FOXP2: variants seen among roughly 807,000 people sequenced by gnomAD.
FOXP2 encodes forkhead box P2.
A neutral mutation model predicts 115.8 loss-of-function variants in FOXP2; 12 were observed. The observed-to-expected ratio is 0.10, with a 90% CI of 0.07 to 0.17. FOXP2 has a LOEUF of 0.17. Among genes scored for constraint, FOXP2 ranks in the 10% least tolerant of loss-of-function variants. FOXP2 has a pLI of 1.00. For missense variants in FOXP2, 629 were observed against 843.5 expected (o/e 0.75, Z 3.15); for synonymous variants, 328 against 297.7 (o/e 1.10, Z -1.05).
At chr7:114,596,133 CT>C (rs1326808160) in intron 3 of FOXP2, among the ~76,000 whole-genome samples, 1 of 152,014 alleles carries the variant, frequency 6.6e-6, no homozygotes, top group Non-Finnish European at 1.5e-5. Context: ...GTTAGCAATT[CT>C]TTTTCCTCAC....
chr7:114,689,843 T>C lies in FOXP2; in HGVS notation c.2065T>C (p.Leu689=), dbSNP rs1467392239. ...IAEDEDCPMS[L]VTTANHSPEL... The stretch of plus-strand genomic sequence containing the variant: ...AGAGGATGAAGACTGCCCAATGTCC[T>C]TAGTGACAACAGCTAATCACAGTCC... The change falls in exon 17 of 17, where the codon TTA becomes CTA. Residue 689 remains leucine (L), a synonymous_variant. Coordinates refer to ENST00000350908, the MANE Select transcript of FOXP2 (RefSeq NM_014491.4). 1 of 1,613,390 alleles carries C rather than the reference T, an allele frequency of 6.2e-7. No individual in the cohort carries two copies. Among genetic ancestry groups the C allele is most frequent in the African/African-American group, 1.3e-5 (1 of 74,880 alleles).
At chr7:114,283,041 A>C (rs1439721811) in intron 1 of FOXP2, among the ~76,000 whole-genome samples, 2 of 152,158 alleles carry the variant, frequency 1.3e-5, no homozygotes, top group Admixed American at 6.6e-5. Flanking sequence ...CCATTACCAA[A>C]CAGTTAAATT....
At chr7:114,587,112 A>G (rs956799151) in intron 3 of FOXP2, among the ~76,000 whole-genome samples, 3 of 150,648 alleles carry the variant, frequency 2.0e-5, no homozygotes, top group Non-Finnish European at 4.4e-5. Flanking sequence ...CAGAACGTGC[A>G]GGTTTGTTAC....
chr7:114,132,134 A>T (rs1052223316), intron 1 of FOXP2, among the ~76,000 whole-genome samples: 5 of 152,358 alleles, frequency 3.3e-5, no homozygotes, highest in Middle Eastern at 3.4e-3. Flanking sequence ...CTACTAAAAC[A>T]TATTAAAATC....
At chr7:114,254,476 C>T (rs370251166) in intron 1 of FOXP2, among the ~76,000 whole-genome samples, 1 of 152,108 alleles carries the variant, frequency 6.6e-6, no homozygotes, top group African/African-American at 2.4e-5. Flanking sequence ...ATATTTCTTG[C>T]AAACTTTGTT....
At chr7:114,138,491 A>G (rs1003171405) in intron 1 of FOXP2, among the ~76,000 whole-genome samples, 30 of 150,522 alleles carry the variant, frequency 2.0e-4, no homozygotes, top group African/African-American at 7.1e-4. Context: ...TCCCGGGTTC[A>G]CATGATTCTC....
intron 1 of FOXP2, among the ~76,000 whole-genome samples, chr7:114,100,990 G>A (rs915956483): frequency 1.1e-4 from 17 of 152,254 alleles, no homozygotes; most frequent in African/African-American, 4.1e-4. Context: ...ACCAGCCCAT[G>A]TTTTGTTGAT....
chr7:114,410,909 A>G (rs906508424), upstream of FOXP2, among the ~76,000 whole-genome samples: 1 of 152,092 alleles, frequency 6.6e-6, no homozygotes, highest in Admixed American at 6.6e-5. Context: ...ACTTTCATCT[A>G]TTAAGTATTA....
intron 1 of FOXP2, among the ~76,000 whole-genome samples, chr7:114,249,972 C>T (rs541813755): frequency 1.1e-4 from 15 of 137,966 alleles, no homozygotes; most frequent in African/African-American, 2.9e-4. Context: ...CAACAGGCCC[C>T]GGTGTGTGAT....
intron 1 of FOXP2, among the ~76,000 whole-genome samples, chr7:114,097,307 T>C (rs189093291): frequency 1.9e-3 from 287 of 152,308 alleles, no homozygotes; most frequent in African/African-American, 6.5e-3. Flanking sequence ...ACCATCTAGT[T>C]CCTGGTAACC....
At chr7:114,602,621 C>A (rs1350135) in intron 3 of FOXP2, among the ~76,000 whole-genome samples, 4 of 151,718 alleles carry the variant, frequency 2.6e-5, no homozygotes, top group Non-Finnish European at 4.4e-5. Context: ...ACATTTCACC[C>A]CCAAAGCCTC....
intron 2 of FOXP2, among the ~76,000 whole-genome samples, chr7:114,353,062 CAT>C (rs1449089382): frequency 6.6e-6 from 1 of 152,064 alleles, no homozygotes; most frequent in Non-Finnish European, 1.5e-5. Flanking sequence ...AGGTTTTCTT[CAT>C]AGACTCCACA....
intron 2 of FOXP2, among the ~76,000 whole-genome samples, chr7:114,391,202 A>T (rs779174950): frequency 3.3e-4 from 50 of 152,142 alleles, no homozygotes; most frequent in Non-Finnish European, 5.6e-4. Flanking sequence ...AAAAAAAAAA[A>T]AATCTGACTT....
chr7:114,277,281 A>T (rs1796213034), intron 1 of FOXP2, among the ~76,000 whole-genome samples: 1 of 152,190 alleles, frequency 6.6e-6, no homozygotes, highest in Non-Finnish European at 1.5e-5. Flanking sequence ...GTATCCCCAA[A>T]ACAATTTTCT....
Position 114,528,652 on chromosome 7 carries a change from A to G in FOXP2, c.169-5965A>G, listed in dbSNP as rs539080257. Among the ~76,000 whole-genome samples the G allele has an allele frequency of 1.3e-4, 20 of 152,144 alleles. No individual in the cohort carries two copies. In the South Asian group the frequency reaches 4.1e-3, roughly 31 times the overall value. On this transcript the variant is annotated intron_variant, in intron 2 of 16. Coordinates refer to ENST00000350908, the MANE Select transcript of FOXP2 (RefSeq NM_014491.4). ...ATAATAGTTTACATTTACATATTGT[A>G]GTATAATTTAGTAGCATGTATTTTT...
At chr7:114,527,498 G>T (rs1798936123) in intron 2 of FOXP2, among the ~76,000 whole-genome samples, 2 of 151,880 alleles carry the variant, frequency 1.3e-5, no homozygotes, top group South Asian at 2.1e-4. Flanking sequence ...TCTCTCTGTG[G>T]TGTCTTTACC....
At chr7:114,314,670 A>G (rs937776704) in intron 2 of FOXP2, among the ~76,000 whole-genome samples, 3 of 152,196 alleles carry the variant, frequency 2.0e-5, no homozygotes, top group African/African-American at 7.2e-5. Context: ...GGTATGTAGT[A>G]GGTACCTAAT....
At chr7:114,658,018 T>C (rs769787231) in intron 10 of FOXP2, 48 bp from the exon 11 acceptor site, 2 of 1,607,086 alleles carry the variant, frequency 1.2e-6, no homozygotes, top group Non-Finnish European at 1.7e-6. Context: ...TTTAAGTCTT[T>C]TTCTCTTGTC....
chr7:114,210,906 A>T (rs1794329837), intron 1 of FOXP2, among the ~76,000 whole-genome samples: 1 of 152,176 alleles, frequency 6.6e-6, no homozygotes, highest in African/African-American at 2.4e-5. Context: ...CCACTTAAAG[A>T]AGCAGTCTGG....
Sources: gnomAD v4.1 joint callset for allele counts (sites outside exome capture counted in the v4.1 genomes callset) on GRCh38, gnomAD v4.1.1 for gene constraint, MANE v1.5 for transcripts, NCBI Gene and HGNC (gene_info 2026-07-23, HGNC 2026-07-21) for gene names.